IL1RAPL2: variants seen among roughly 807,000 people sequenced by gnomAD.
The protein encoded by IL1RAPL2 is X-linked interleukin-1 receptor accessory protein-like 2.
A neutral mutation model predicts 44.1 loss-of-function variants in IL1RAPL2; 3 were observed. That is an observed-to-expected ratio of 0.07 (90% CI 0.03 to 0.18). The LOEUF (loss-of-function observed/expected upper bound fraction) is 0.18, where lower values mean the gene tolerates loss of function less well. IL1RAPL2 is among the 10% of genes least tolerant of loss of function. IL1RAPL2 has a pLI of 1.00. For synonymous variants in IL1RAPL2, 181 were observed against 178.8 expected (o/e 1.01, Z -0.10); for missense variants, 391 against 496.4 (o/e 0.79, Z 2.02).
intron 1 of IL1RAPL2, among the ~76,000 whole-genome samples, chrX:104,621,169 G>A (rs1033644965): frequency 1.3e-4 from 14 of 105,282 alleles, no homozygotes; most frequent in African/African-American, 4.8e-4. Context: ...ATATTACAAG[G>A]TCTAATTAGA....
At chrX:105,212,361 T>C (rs1161080919) in intron 3 of IL1RAPL2, among the ~76,000 whole-genome samples, 2 of 111,873 alleles carry the variant, frequency 1.8e-5, no homozygotes, top group East Asian at 5.7e-4. Flanking sequence ...ATGGACTGGG[T>C]GAATTCACCA....
intron 5 of IL1RAPL2, chrX:105,405,720 T>C: frequency 1.0e-6 from 1 of 966,830 alleles, no homozygotes; most frequent in East Asian, 3.1e-5. Flanking sequence ...TGAATATGAC[T>C]GATTGTCACA....
At position 105,164,656 on chromosome X, in the gene IL1RAPL2, A is replaced by G. The variant is rs1280817658; in HGVS notation, c.83-30819A>G. On this transcript the variant is annotated intron_variant, in intron 2 of 10. Coordinates refer to ENST00000372582, the MANE Select transcript of IL1RAPL2 (RefSeq NM_017416.2). ...TTTAAGTACTTTCAATTCATGCTCT[A>G]TATCTGCTATGGATTGACATTATAG... is the stretch of plus-strand genomic sequence containing the variant. Among the ~76,000 whole-genome samples, 4 of 112,121 alleles carry G rather than the reference A, an allele frequency of 3.6e-5. No individual in the cohort carries two copies. The Admixed American group carries it at 3.8e-4, about 11-fold the overall frequency.
At chrX:105,101,336 G>A (rs1384096067) in intron 2 of IL1RAPL2, among the ~76,000 whole-genome samples, 1 of 111,992 alleles carries the variant, frequency 8.9e-6, no homozygotes, top group African/African-American at 3.2e-5. Context: ...CTAAAGTAAG[G>A]ACAAGAGTTT....
In IL1RAPL2 at chrX:104,836,627, C is replaced by T. The variant is rs193253904; in HGVS notation, c.82+177632C>T. Reference sequence around the variant, plus strand: ...TATGTTTAAACAGAAATAATGTATCCTATATATGCTGGCTATGAATATTAT... The same window carrying T: ...TATGTTTAAACAGAAATAATGTATCTTATATATGCTGGCTATGAATATTAT... On this transcript the variant is annotated intron_variant, in intron 2 of 10. Coordinates refer to ENST00000372582, the MANE Select transcript of IL1RAPL2 (RefSeq NM_017416.2). Among the ~76,000 whole-genome samples the T allele has an allele frequency of 4.5e-5, 5 of 110,824 alleles. No individual in the cohort carries two copies. The Admixed American group carries it at 4.8e-4, about 11-fold the overall frequency.
At chrX:104,848,771 C>T (rs1375382392) in intron 2 of IL1RAPL2, among the ~76,000 whole-genome samples, 1 of 109,074 alleles carries the variant, frequency 9.2e-6, no homozygotes. Flanking sequence ...TTTTTAAAAA[C>T]ATGTTTTCTC....
chrX:104,815,214 T>C (rs1921102515), intron 2 of IL1RAPL2, among the ~76,000 whole-genome samples: 1 of 111,938 alleles, frequency 8.9e-6, no homozygotes, highest in Non-Finnish European at 1.9e-5. Context: ...TGTAACAAAT[T>C]ACAACAATCT....
chrX:104,740,017 G>T (rs1932077200), intron 2 of IL1RAPL2, among the ~76,000 whole-genome samples: 2 of 111,321 alleles, frequency 1.8e-5, no homozygotes, highest in African/African-American at 6.5e-5. Flanking sequence ...TTTGATGGAG[G>T]TGTCTTAGGA....
intron 7 of IL1RAPL2, among the ~76,000 whole-genome samples, chrX:105,728,586 C>A (rs1296516307): frequency 9.0e-6 from 1 of 111,239 alleles, no homozygotes; most frequent in African/African-American, 3.3e-5. Flanking sequence ...TAAGAGGATA[C>A]ATTTTTTTTT....
intron 7 of IL1RAPL2, among the ~76,000 whole-genome samples, chrX:105,740,029 A>ATGAT (rs1437277415): frequency 9.6e-6 from 1 of 103,796 alleles, no homozygotes; most frequent in Non-Finnish European, 2.0e-5. Flanking sequence ...TGACTTTTTA[A>ATGAT]TGATTGCCAT....
At chrX:105,311,977 T>C (rs1467586812) in intron 5 of IL1RAPL2, among the ~76,000 whole-genome samples, 2 of 111,755 alleles carry the variant, frequency 1.8e-5, no homozygotes, top group East Asian at 2.8e-4. Context: ...TACAAGAAAA[T>C]TGGCGAAAGG....
intron 5 of IL1RAPL2, among the ~76,000 whole-genome samples, chrX:105,329,214 A>G (rs2034966671): frequency 8.9e-6 from 1 of 111,965 alleles, no homozygotes; most frequent in Non-Finnish European, 1.9e-5. Flanking sequence ...TGTTACATGA[A>G]GTGTTGACTT....
chrX:105,236,215 C>T (rs2034118739), intron 4 of IL1RAPL2, among the ~76,000 whole-genome samples: 1 of 111,940 alleles, frequency 8.9e-6, no homozygotes, highest in African/African-American at 3.2e-5. Flanking sequence ...CTTTCTTCTC[C>T]TTTTCTCATA....
intron 2 of IL1RAPL2, among the ~76,000 whole-genome samples, chrX:104,739,902 G>C (rs1452767745): frequency 9.0e-6 from 1 of 111,247 alleles, no homozygotes; most frequent in Non-Finnish European, 1.9e-5. Flanking sequence ...TATCTAATTA[G>C]GTCATGTAAT....
At chrX:105,703,127 AC>A (rs2038133846) in intron 6 of IL1RAPL2, among the ~76,000 whole-genome samples, 1 of 111,702 alleles carries the variant, frequency 9.0e-6, no homozygotes, top group Non-Finnish European at 1.9e-5. Context: ...TAATCTCAGC[AC>A]TATTGACATT....
intron 2 of IL1RAPL2, among the ~76,000 whole-genome samples, chrX:104,958,116 A>C (rs1261639042): frequency 1.8e-5 from 2 of 111,034 alleles, no homozygotes; most frequent in East Asian, 5.7e-4. Flanking sequence ...GAATGAATGA[A>C]TGCTCTTCTG....
intron 2 of IL1RAPL2, among the ~76,000 whole-genome samples, chrX:104,966,138 A>T (rs2030117722): frequency 9.0e-6 from 1 of 111,174 alleles, no homozygotes; most frequent in Non-Finnish European, 1.9e-5. Context: ...AAAGAATATA[A>T]ATTTAAATAA....
intron 2 of IL1RAPL2, among the ~76,000 whole-genome samples, chrX:104,989,914 T>G (rs1217401565): frequency 8.9e-6 from 1 of 112,013 alleles, no homozygotes; most frequent in African/African-American, 3.2e-5. Flanking sequence ...TTTTCTATTT[T>G]CTTGTTTCTT....
At chrX:105,369,082 T>A (rs996662865) in intron 5 of IL1RAPL2, among the ~76,000 whole-genome samples, 1 of 110,440 alleles carries the variant, frequency 9.1e-6, no homozygotes, top group Non-Finnish European at 1.9e-5. Flanking sequence ...TGCATTGCTC[T>A]CCTTAATTCA....
Sources: allele counts gnomAD v4.1 joint callset (sites outside exome capture counted in the v4.1 genomes callset), GRCh38; gene constraint gnomAD v4.1.1; transcripts MANE v1.5; gene names NCBI Gene and HGNC (gene_info 2026-07-23, HGNC 2026-07-21).